Variants in COPB1 observed in about 807,000 individuals in gnomAD.
COPB1 encodes the protein coat protein complex I subunit beta 1.
Under a neutral mutation model 108.7 loss-of-function variants are expected in COPB1, and 21 were observed. That is an observed-to-expected ratio of 0.19 (90% CI 0.14 to 0.28). COPB1 has a LOEUF of 0.28. Ranked by LOEUF, COPB1 falls within the 10% of genes least tolerant of loss-of-function variation. COPB1 has a pLI of 1.00. For synonymous variants in COPB1, 378 were observed against 386.8 expected, an observed-to-expected ratio of 0.98 and a Z score of 0.27; for missense variants, 919 against 1,141.3, an observed-to-expected ratio of 0.81 and a Z score of 2.81.
rs1850280521 is a variant in COPB1 at position 14,466,363 on chromosome 11, A to G, written c.2209T>C (p.Tyr737His). Residue 737 changes from tyrosine to histidine, a missense_variant, in exon 17 of 22, where the codon TAT becomes CAT. By Grantham distance (83) the Tyr-to-His change is moderately conservative (BLOSUM62 2). Coordinates refer to ENST00000439561, the MANE Select transcript of COPB1 (RefSeq NM_001144061.2). ...ACAAGTACATCCAGGACAATATCAT[A>G]TTGGTTGACATGAACGTAAGCTTCT... ...YAEAYVHVNQ[Y>H]DIVLDVLVVN... 6.2e-7 allele frequency: 1 copy of G among 1,613,424 alleles called. No individual in the cohort carries two copies. Among genetic ancestry groups the G allele is most frequent in the Non-Finnish European group, 8.5e-7 (1 of 1,179,798 alleles).
intron 3 of COPB1, 97 bp downstream of exon 3, chr11:14,494,113 T>C: frequency 1.2e-6 from 1 of 838,170 alleles, no homozygotes; most frequent in Non-Finnish European, 1.8e-6. Flanking sequence ...TTACATCTTA[T>C]CAAAGACTCA....
chr11:14,461,565 G>A (rs1850152407), intron 18 of COPB1, among the ~76,000 whole-genome samples: 1 of 152,164 alleles, frequency 6.6e-6, no homozygotes, highest in Non-Finnish European at 1.5e-5. Context: ...TGAAAGCAGA[G>A]AAGTTAAGTA....
intron 18 of COPB1, 126 bp from the exon 19 acceptor site, chr11:14,461,457 G>A (rs1220039877): frequency 9.9e-6 from 9 of 907,994 alleles, no homozygotes; most frequent in South Asian, 5.4e-5. Context: ...TACTTATTAT[G>A]TACAGAGCTC....
chr11:14,463,739 T>C (rs1427969311), intron 18 of COPB1, among the ~76,000 whole-genome samples: 2 of 152,226 alleles, frequency 1.3e-5, no homozygotes, highest in African/African-American at 4.8e-5. Flanking sequence ...TCTCTAAAGT[T>C]TGTTCTTCTC....
At position 14,480,812 on chromosome 11, in the gene COPB1, A is replaced by G. The variant is rs750779446; in HGVS notation, c.1159T>C (p.Leu387=). 1 of 1,614,088 alleles carries G rather than the reference A, an allele frequency of 6.2e-7. No homozygotes were observed. Among genetic ancestry groups the G allele is most frequent in the Non-Finnish European group, 8.5e-7 (1 of 1,179,948 alleles). The change falls in exon 10 of 22, where the codon TTG becomes CTG. Residue 387 remains leucine (L), a synonymous_variant. Coordinates refer to ENST00000439561, the MANE Select transcript of COPB1 (RefSeq NM_001144061.2). ...DKYRQLLVRT[L]HSCSVRFPDM... Reference sequence around the variant, plus strand: ...GGAAATCGGACAGAACAGGAATGCAATGTTCGCACTAGGAGTTGTCTGTAT... The same window carrying G: ...GGAAATCGGACAGAACAGGAATGCAGTGTTCGCACTAGGAGTTGTCTGTAT...
chr11:14,483,252 A>ACACACG (rs1850702709), intron 7 of COPB1, 101 bp from the exon 8 acceptor site: 4 of 650,442 alleles, frequency 6.1e-6, no homozygotes, highest in Non-Finnish European at 4.8e-6. Context: ...ACACACACAC[A>ACACACG]CACACACTCC....
Position 14,475,772 on chromosome 11 carries a change from T to G in COPB1, c.1616+13A>C, listed in dbSNP as rs201955032. Reference sequence around the variant, plus strand: ...AGTAGTACAGCTGGCAGGGTATATGTGCCATAAATTACCTGTCTTCCTCTT... The same window carrying G: ...AGTAGTACAGCTGGCAGGGTATATGGGCCATAAATTACCTGTCTTCCTCTT... On this transcript the variant is annotated intron_variant, in intron 13 of 21. Coordinates refer to ENST00000439561, the MANE Select transcript of COPB1 (RefSeq NM_001144061.2). The G allele has an allele frequency of 6.5e-7, 1 of 1,544,364 alleles. No homozygotes were observed. Among genetic ancestry groups the G allele is most frequent in the Non-Finnish European group, 8.7e-7 (1 of 1,147,832 alleles).
intron 2 of COPB1, among the ~76,000 whole-genome samples, chr11:14,496,963 A>G (rs1851035303): frequency 1.3e-5 from 2 of 152,208 alleles, no homozygotes. Flanking sequence ...AGTCCCTTCA[A>G]TAAATGGTGC....
At chr11:14,489,598 T>A (rs1296850600) in intron 5 of COPB1, among the ~76,000 whole-genome samples, 1 of 152,160 alleles carries the variant, frequency 6.6e-6, no homozygotes, top group Non-Finnish European at 1.5e-5. Flanking sequence ...CTTGAAGACA[T>A]TAGGCTAAGT....
chr11:14,477,828 C>T (rs1164985301), intron 11 of COPB1, among the ~76,000 whole-genome samples: 1 of 148,166 alleles, frequency 6.7e-6, no homozygotes, highest in South Asian at 2.1e-4. Flanking sequence ...ACATGAGAGG[C>T]GGCGGTTGCA....
At chr11:14,484,485 C>T (rs973042663) in intron 7 of COPB1, among the ~76,000 whole-genome samples, 2 of 152,074 alleles carry the variant, frequency 1.3e-5, no homozygotes, top group Non-Finnish European at 2.9e-5. Flanking sequence ...TTTGGGAGGT[C>T]GAGGCGGGTG....
intron 21 of COPB1, among the ~76,000 whole-genome samples, chr11:14,458,222 G>A (rs1016974686): frequency 6.6e-6 from 1 of 151,610 alleles, no homozygotes; most frequent in African/African-American, 2.4e-5. Context: ...TGGGATTACC[G>A]GGTGTGCGCT....
At chr11:14,480,536 CT>C (rs1400983434) in intron 10 of COPB1, among the ~76,000 whole-genome samples, 3 of 151,546 alleles carry the variant, frequency 2.0e-5, no homozygotes, top group Non-Finnish European at 2.9e-5. Flanking sequence ...ATATGCAAAG[CT>C]TTTTTTTGGT....
chr11:14,499,011 A>C, intron 1 of COPB1, 26 bp from the exon 2 acceptor site: 1 of 1,063,092 alleles, frequency 9.4e-7, no homozygotes, highest in Admixed American at 3.1e-5. Context: ...CAGACATATC[A>C]TTACAAATTA....
rs1850701604 is a variant in COPB1 at position 14,483,229 on chromosome 11, CA to C, written c.838-79del. 5 of 35,962 alleles carry C rather than the reference CA, an allele frequency of 1.4e-4. No homozygotes were observed. The South Asian group carries it at 2.0e-3, about 14-fold the overall frequency. 2.2% of individuals were successfully genotyped at this position (35,962 alleles called of 1,614,324 possible). On this transcript the variant is annotated intron_variant, in intron 7 of 21. Coordinates refer to ENST00000439561, the MANE Select transcript of COPB1 (RefSeq NM_001144061.2). ...TGAAAATAAGCATGCGCGCGCACAC[CA>C]CACACACACACACACACACACACAC... is the stretch of plus-strand genomic sequence containing the variant.
intron 18 of COPB1, among the ~76,000 whole-genome samples, chr11:14,463,857 ATAT>A (rs1316614314): frequency 1.8e-4 from 28 of 152,044 alleles, no homozygotes; most frequent in African/African-American, 6.3e-4. Context: ...CATATCCTTA[ATAT>A]TATATTCATC....
At chr11:14,470,829 A>G (rs1442992815) in intron 14 of COPB1, among the ~76,000 whole-genome samples, 1 of 151,990 alleles carries the variant, frequency 6.6e-6, no homozygotes, top group Non-Finnish European at 1.5e-5. Flanking sequence ...AGAAAACCAC[A>G]CTAAGGCATA....
chr11:14,483,359 T>G (rs887366458), intron 7 of COPB1, among the ~76,000 whole-genome samples: 2 of 152,078 alleles, frequency 1.3e-5, no homozygotes, highest in East Asian at 3.8e-4. Context: ...TCCCTTGTTA[T>G]TTTTCAAACT....
intron 18 of COPB1, among the ~76,000 whole-genome samples, chr11:14,463,937 A>AG (rs1850221606): frequency 6.6e-6 from 1 of 152,174 alleles, no homozygotes; most frequent in African/African-American, 2.4e-5. Flanking sequence ...CTTCTCTACT[A>AG]GTTAATCTTC....
Sources: gnomAD v4.1 joint callset for allele counts (sites outside exome capture counted in the v4.1 genomes callset) on GRCh38, gnomAD v4.1.1 for gene constraint, MANE v1.5 for transcripts, NCBI Gene and HGNC (gene_info 2026-07-23, HGNC 2026-07-21) for gene names.